Variants in RELB observed in about 807,000 individuals in gnomAD.
RELB encodes RELB proto-oncogene, NF-kB subunit, also known as transcription factor RelB.
Under a neutral mutation model 55.4 loss-of-function variants are expected in RELB, and 14 were observed. The observed-to-expected ratio is 0.25, with a 90% confidence interval of 0.17 to 0.40. RELB has a LOEUF of 0.40. RELB is among the 10% of genes least tolerant of loss of function. The pLI is 1.00. For synonymous variants in RELB, 409 were observed against 371.3 expected, an observed-to-expected ratio of 1.10 and a Z score of -1.17; for missense variants, 669 against 830.7, an observed-to-expected ratio of 0.81 and a Z score of 2.39.
intron 4 of RELB, among the ~76,000 whole-genome samples, chr19:45,018,337 G>A (rs1971445412): frequency 6.6e-6 from 1 of 152,052 alleles, no homozygotes; most frequent in South Asian, 2.1e-4. Flanking sequence ...CCAGGAGGTG[G>A]AGCGTGCAGT....
chr19:45,029,019 G>T, intron 8 of RELB, 27 bp downstream of exon 8: 1 of 1,516,770 alleles, frequency 6.6e-7, no homozygotes, highest in South Asian at 1.2e-5. Context: ...AGCAAGCTTG[G>T]GCAGAGCGGG....
At chr19:45,025,995 A>G (rs1971554482) in intron 7 of RELB, among the ~76,000 whole-genome samples, 1 of 152,188 alleles carries the variant, frequency 6.6e-6, no homozygotes, top group Non-Finnish European at 1.5e-5. Context: ...TAATCCCAGC[A>G]CTTTGGGAGG....
At position 45,025,270 on chromosome 19, in the gene RELB, G is replaced by A. The variant is rs1156352651; in HGVS notation, c.663-59G>A. ...AGCATCTGCCAGAGCCCTCCTGCAGGTTAGGGCCACACTTGCCTGCTCACG... is the reference window on the plus strand; with the variant it reads ...AGCATCTGCCAGAGCCCTCCTGCAGATTAGGGCCACACTTGCCTGCTCACG... On this transcript the variant is annotated intron_variant, in intron 5 of 11. Coordinates refer to ENST00000221452, the MANE Select transcript of RELB (RefSeq NM_006509.4). The A allele has an allele frequency of 1.4e-5, 18 of 1,246,598 alleles. No individual in the cohort carries two copies. In the Middle Eastern group the frequency reaches 7.4e-4, roughly 51 times the overall value. The allele number at this position is 1,246,598 out of a possible 1,614,324, so 77.2% of individuals were successfully genotyped here.
In RELB at chr19:45,022,169, C is replaced by G; in HGVS notation, c.621C>G (p.Ile207Met). Reference protein sequence around the residue: ...SLVGKDCTDGICRVRLRPHVS... With the variant: ...SLVGKDCTDGMCRVRLRPHVS... ...TGGGGAAAGACTGCACCGACGGCATCTGCAGGGTGCGGCTCCGGCCTCACG... is the reference window on the plus strand; with the variant it reads ...TGGGGAAAGACTGCACCGACGGCATGTGCAGGGTGCGGCTCCGGCCTCACG... Residue 207 changes from isoleucine to methionine, a missense_variant, in exon 5 of 12, where the codon ATC becomes ATG. Around this residue, in one of 3 missense-constraint regions of RELB, gnomAD observed 323 missense variants for 368.5 expected, o/e 0.88. Transcript: ENST00000221452. 1 of 1,611,776 alleles carries G rather than the reference C, an allele frequency of 6.2e-7. No homozygotes were observed. Among genetic ancestry groups the G allele is most frequent in the Non-Finnish European group, 8.5e-7 (1 of 1,179,750 alleles).
intron 11 of RELB, among the ~76,000 whole-genome samples, 169 bp from the exon 12 acceptor site, chr19:45,037,236 C>T (rs1342740737): frequency 6.7e-6 from 1 of 149,986 alleles, no homozygotes; most frequent in East Asian, 2.0e-4. Flanking sequence ...GAGCCAAGAG[C>T]ACGTCATTGC....
intron 5 of RELB, 105 bp downstream of exon 5, chr19:45,022,315 C>T: frequency 2.7e-6 from 3 of 1,127,778 alleles, no homozygotes; most frequent in Non-Finnish European, 3.8e-6. Context: ...TGGGTAAACC[C>T]TCCCCACTGC....
At chr19:45,003,915 GTTTTTT>G (rs1039624578) in intron 2 of RELB, among the ~76,000 whole-genome samples, 40 of 63,570 alleles carry the variant, frequency 6.3e-4, no homozygotes, top group African/African-American at 1.6e-3. Context: ...TGTTTTTTGT[GTTTTTT>G]TTTTTTTTTT....
At position 45,012,061 on chromosome 19, in the gene RELB, C is replaced by A. The variant is rs1389239418; in HGVS notation, c.289C>A (p.Pro97Thr). The change falls in exon 4 of 12, where the codon CCT becomes ACT. Residue 97 changes from proline to threonine, a missense_variant. By Grantham distance (38) the Pro-to-Thr change is conservative (BLOSUM62 -1). This residue lies in a region of RELB where 323 missense variants were observed against 368.5 expected (regional missense o/e 0.88). Coordinates refer to ENST00000221452, the MANE Select transcript of RELB (RefSeq NM_006509.4). ...GTCCCTGAGCACGGTCACCCTGGGC[C>A]CTGTGGCGCCCCCAGCCACGCCGCC... is the stretch of plus-strand genomic sequence containing the variant. ...AASLSTVTLGPVAPPATPPPW... is the reference protein window; with the variant it reads ...AASLSTVTLGTVAPPATPPPW... The A allele has an allele frequency of 1.2e-5, 18 of 1,555,862 alleles. No homozygotes were observed. The highest frequency in any genetic ancestry group is 5.9e-5 in the Admixed American group (3 of 51,214).
At chr19:45,021,284 G>A (rs753483172) in intron 4 of RELB, among the ~76,000 whole-genome samples, 1 of 151,530 alleles carries the variant, frequency 6.6e-6, no homozygotes, top group Non-Finnish European at 1.5e-5. Flanking sequence ...CCATCCTGGC[G>A]AACACGGTGA....
intron 7 of RELB, among the ~76,000 whole-genome samples, chr19:45,028,239 C>G (rs1009106412): frequency 2.0e-5 from 3 of 151,822 alleles, no homozygotes; most frequent in East Asian, 1.9e-4. Flanking sequence ...CCAGGCTGGT[C>G]TTGAACTTCT....
At chr19:45,030,993 C>G (rs1971614362) in intron 8 of RELB, among the ~76,000 whole-genome samples, 1 of 152,084 alleles carries the variant, frequency 6.6e-6, no homozygotes, top group African/African-American at 2.4e-5. Flanking sequence ...CAATACGGTA[C>G]CTAATAGTAC....
At chr19:45,022,567 G>A (rs62117225) in intron 5 of RELB, among the ~76,000 whole-genome samples, 2 of 140,250 alleles carry the variant, frequency 1.4e-5, no homozygotes, top group Non-Finnish European at 1.5e-5. Flanking sequence ...TTTTTTTTGG[G>A]ACGGAGTTTT....
intron 2 of RELB, among the ~76,000 whole-genome samples, chr19:45,007,816 C>G (rs1023938746): frequency 4.7e-5 from 7 of 150,470 alleles, no homozygotes; most frequent in Admixed American, 4.0e-4. Flanking sequence ...CAAGAATGCA[C>G]CACACTGTAC....
intron 1 of RELB, among the ~76,000 whole-genome samples, chr19:45,002,118 G>A (rs1044028649): frequency 4.1e-5 from 6 of 147,726 alleles, no homozygotes; most frequent in African/African-American, 1.5e-4. Flanking sequence ...GGCGGGGCCT[G>A]GCCGTGAGGG....
At chr19:45,014,781 A>G (rs1037907022) in intron 4 of RELB, among the ~76,000 whole-genome samples, 1 of 151,834 alleles carries the variant, frequency 6.6e-6, no homozygotes, top group Non-Finnish European at 1.5e-5. Flanking sequence ...AGCCTCCCAA[A>G]GTGCTGGGAT....
chr19:45,016,205 G>A (rs1600070064), intron 4 of RELB, among the ~76,000 whole-genome samples: 1 of 151,720 alleles, frequency 6.6e-6, no homozygotes, highest in African/African-American at 2.4e-5. Context: ...GGCTGGTCTC[G>A]AACTCCTGAC....
chr19:45,032,312 C>T (rs1178067648), intron 8 of RELB: 4 of 480,374 alleles, frequency 8.3e-6, no homozygotes, highest in Middle Eastern at 6.0e-4. Context: ...CCAGCTATTC[C>T]GGAGGCTGAG....
chr19:45,006,997 G>A (rs1450473624), intron 2 of RELB, among the ~76,000 whole-genome samples: 1 of 151,606 alleles, frequency 6.6e-6, no homozygotes, highest in African/African-American at 2.4e-5. Flanking sequence ...AAAGGCACCT[G>A]ACTTTGAGGG....
At chr19:45,002,343 TTTTG>T (rs1426722764) in intron 1 of RELB, among the ~76,000 whole-genome samples, 3 of 152,106 alleles carry the variant, frequency 2.0e-5, no homozygotes, top group Admixed American at 1.3e-4. Context: ...GGATGTTTTT[TTTTG>T]TTTGTTTTTT....
Sources: allele counts gnomAD v4.1 joint callset (sites outside exome capture counted in the v4.1 genomes callset), GRCh38; gene constraint gnomAD v4.1.1; regional missense constraint gnomAD v4.1.1; transcripts MANE v1.5; gene names NCBI Gene and HGNC (gene_info 2026-07-23, HGNC 2026-07-21).